The following PDE4D variants were observed in gnomAD, a reference collection of about 807,000 sequenced individuals.
PDE4D encodes the protein 3',5'-cyclic-AMP phosphodiesterase 4D.
In PDE4D, 24 loss-of-function variants were observed where a neutral mutation model predicts 87.4. The ratio of observed to expected loss-of-function variants is 0.27; its 90% CI spans 0.20 to 0.39. PDE4D has a LOEUF of 0.39. Among genes scored for constraint, PDE4D ranks in the 10% least tolerant of loss-of-function variants. PDE4D has a pLI of 1.00. For synonymous variants in PDE4D, 384 were observed against 383.2 expected, an observed-to-expected ratio of 1.00 and a Z score of -0.02; for missense variants, 714 against 1,041.0, an observed-to-expected ratio of 0.69 and a Z score of 4.32.
chr5:60,008,444 T>C (rs1221634623), intron 2 of PDE4D, among the ~76,000 whole-genome samples: 6 of 152,040 alleles, frequency 3.9e-5, no homozygotes, highest in Admixed American at 1.3e-4. Context: ...ATGGGCCATT[T>C]AGAACACATC....
chr5:59,770,897 C>A (rs930209339), intron 1 of PDE4D, among the ~76,000 whole-genome samples: 4 of 151,910 alleles, frequency 2.6e-5, no homozygotes, highest in African/African-American at 7.3e-5. Context: ...TTTGGGAGGC[C>A]AATGCAGGAA....
At chr5:59,682,576 A>G (rs183075440) in intron 1 of PDE4D, among the ~76,000 whole-genome samples, 4 of 152,294 alleles carry the variant, frequency 2.6e-5, no homozygotes, top group Non-Finnish European at 5.9e-5. Context: ...TTTGGAAGTG[A>G]TGAGATTATG....
chr5:59,975,742 A>G (rs1252358536), intron 3 of PDE4D, among the ~76,000 whole-genome samples: 1 of 152,250 alleles, frequency 6.6e-6, no homozygotes, highest in Non-Finnish European at 1.5e-5. Context: ...TGTACCTTCA[A>G]TTGGCATTCT....
Position 59,071,545 on chromosome 5 carries a change from T to G in PDE4D, c.809-32574A>C, listed in dbSNP as rs559211201. On this transcript the variant is annotated intron_variant, in intron 5 of 14. Coordinates refer to ENST00000340635, the MANE Select transcript of PDE4D (RefSeq NM_001104631.2). ...AGCTCTTTTCCTATTCTCTGAGTTG[T>G]TTTTTTTTTTTCCATAGCATCTGCT... Among the ~76,000 whole-genome samples the G allele has an allele frequency of 6.2e-3, 238 of 38,498 alleles. 1 individual carries two copies. Among genetic ancestry groups the G allele is most frequent in the South Asian group, 0.01 (11 of 1,094 alleles). 25.3% of individuals were successfully genotyped at this position (38,498 alleles called of 152,430 possible). A position where few individuals can be genotyped will look rare whatever the true frequency, so the allele number is the denominator to read the frequency against.
At chr5:59,876,107 A>G (rs1581542781) in intron 1 of PDE4D, among the ~76,000 whole-genome samples, 1 of 152,314 alleles carries the variant, frequency 6.6e-6, no homozygotes, top group East Asian at 1.9e-4. Flanking sequence ...GCACATGTAC[A>G]CTGAGCTTAA....
intron 2 of PDE4D, among the ~76,000 whole-genome samples, chr5:60,098,609 A>G (rs1408818898): frequency 1.3e-5 from 2 of 151,912 alleles, no homozygotes; most frequent in African/African-American, 4.8e-5. Flanking sequence ...ATGCAACTGG[A>G]TTTTGTATGT....
At chr5:59,325,476 C>G (rs986851648) in intron 1 of PDE4D, among the ~76,000 whole-genome samples, 1 of 152,140 alleles carries the variant, frequency 6.6e-6, no homozygotes, top group Non-Finnish European at 1.5e-5. Flanking sequence ...AGGACCTACA[C>G]AGTAGTGTAT....
Position 59,730,102 on chromosome 5 carries a change from C to G in PDE4D, c.455+163066G>C, listed in dbSNP as rs111610622. 2.2e-3 allele frequency among the ~76,000 whole-genome samples: 333 copies of G among 152,144 alleles called. 2 individuals carry two copies. Among genetic ancestry groups the G allele is most frequent in the African/African-American group, 7.9e-3 (326 of 41,528 alleles). ...GTCAATACTTAGGGTGAACCTTGCT[C>G]TATCACAATACTTCTCAATCTAAAT... On this transcript the variant is annotated intron_variant, in intron 1 of 14. Transcript: ENST00000340635.
rs138049296 is a variant in PDE4D, at chr5:60,168,481, C to G, written c.42+17076G>C. ...ACATTATGAATCTCTCCATGCTGCC[C>G]CTTCTTCTGTGAACCCTCTTCTGAG... On this transcript the variant is annotated intron_variant, in intron 2 of 16. Transcript: ENST00000502484. 4.3e-4 allele frequency among the ~76,000 whole-genome samples: 66 copies of G among 152,292 alleles called. 3 individuals are homozygous for G. In the East Asian group the frequency reaches 0.012, roughly 28 times the overall value.
intron 1 of PDE4D, among the ~76,000 whole-genome samples, chr5:59,264,642 C>G (rs1358231003): frequency 6.6e-6 from 1 of 151,902 alleles, no homozygotes; most frequent in Admixed American, 6.6e-5. Context: ...TTTTCCCAAG[C>G]TGGTGAACTC....
At chr5:59,858,439 C>T (rs1268022909) in intron 1 of PDE4D, among the ~76,000 whole-genome samples, 1 of 151,990 alleles carries the variant, frequency 6.6e-6, no homozygotes, top group Non-Finnish European at 1.5e-5. Flanking sequence ...CACTGCTTGT[C>T]TTTGCCCTCA....
chr5:59,095,595 T>C (rs1465130552), intron 5 of PDE4D, among the ~76,000 whole-genome samples: 1 of 152,174 alleles, frequency 6.6e-6, no homozygotes, highest in Admixed American at 6.5e-5. Context: ...TATTGCTGGC[T>C]GCCTGATTAG....
intron 6 of PDE4D, among the ~76,000 whole-genome samples, chr5:59,038,644 T>C (rs1013159034): frequency 2.6e-5 from 4 of 152,162 alleles, no homozygotes; most frequent in Non-Finnish European, 4.4e-5. Context: ...TACTTAAATT[T>C]AGCACGTCAA....
intron 1 of PDE4D, among the ~76,000 whole-genome samples, chr5:59,810,507 A>G (rs1007858329): frequency 6.6e-6 from 1 of 152,258 alleles, no homozygotes; most frequent in African/African-American, 2.4e-5. Flanking sequence ...AAGATGGAGC[A>G]GTAGAAATAG....
At chr5:59,783,933 C>CTG (rs370920064) in intron 1 of PDE4D, among the ~76,000 whole-genome samples, 286 of 152,170 alleles carry the variant, frequency 1.9e-3, no homozygotes, top group African/African-American at 6.8e-3. Flanking sequence ...TGGTGTGCAC[C>CTG]TGTGGTCTTA....
Position 59,890,749 on chromosome 5 carries a change from T to C in PDE4D, c.455+2419A>G, listed in dbSNP as rs1561823494. Among the ~76,000 whole-genome samples, 3 of 152,216 alleles carry C rather than the reference T, an allele frequency of 2.0e-5. No homozygotes were observed. In the South Asian group the frequency reaches 6.2e-4, roughly 31 times the overall value. On this transcript the variant is annotated intron_variant, in intron 1 of 14. Coordinates refer to ENST00000340635, the MANE Select transcript of PDE4D (RefSeq NM_001104631.2). ...CACAGTCTATGTGATACTGAACAAA[T>C]TGCTCGCATCTTCTGGGGCTCAGCA...
chr5:59,293,828 A>G (rs1768524844), intron 1 of PDE4D, among the ~76,000 whole-genome samples: 1 of 152,104 alleles, frequency 6.6e-6, no homozygotes, highest in Admixed American at 6.6e-5. Context: ...GGAGTCACAT[A>G]CCACTGAAGG....
At chr5:59,704,493 C>T (rs1352342613) in intron 1 of PDE4D, among the ~76,000 whole-genome samples, 1 of 152,148 alleles carries the variant, frequency 6.6e-6, no homozygotes, top group African/African-American at 2.4e-5. Context: ...TTTGAGGATT[C>T]TTTTTCAATT....
At chr5:59,186,560 C>G (rs549996279) in intron 3 of PDE4D, among the ~76,000 whole-genome samples, 53 of 152,284 alleles carry the variant, frequency 3.5e-4, no homozygotes, top group African/African-American at 1.0e-3. Context: ...CTGGCACAGA[C>G]CTAGACTAAA....
Sources: gnomAD v4.1 joint callset for allele counts (sites outside exome capture counted in the v4.1 genomes callset) on GRCh38, gnomAD v4.1.1 for gene constraint, MANE v1.5 for transcripts, NCBI Gene and HGNC (gene_info 2026-07-23, HGNC 2026-07-21) for gene names.